CSNK2A2: variants seen among roughly 807,000 people sequenced by gnomAD.
CSNK2A2 encodes the protein casein kinase 2 alpha 2.
A neutral mutation model predicts 54.0 loss-of-function variants in CSNK2A2; 8 were observed. That is an observed-to-expected ratio of 0.15 (90% CI 0.09 to 0.27). CSNK2A2 has a LOEUF of 0.27. Among genes scored for constraint, CSNK2A2 ranks in the 10% least tolerant of loss-of-function variants. CSNK2A2 has a pLI of 1.00. For synonymous variants in CSNK2A2, 141 were observed against 153.9 expected (o/e 0.92, Z 0.62); for missense variants, 242 against 439.4 (o/e 0.55, Z 4.02).
chr16:58,181,090 TAAAC>T (rs1180274515), intron 4 of CSNK2A2, among the ~76,000 whole-genome samples: 2 of 152,166 alleles, frequency 1.3e-5, no homozygotes, highest in African/African-American at 4.8e-5. Context: ...GACCTCCAGT[TAAAC>T]AAGGCAGATC....
intron 4 of CSNK2A2, among the ~76,000 whole-genome samples, chr16:58,180,482 G>A (rs1962007727): frequency 6.6e-6 from 1 of 151,182 alleles, no homozygotes; most frequent in African/African-American, 2.4e-5. Context: ...ATAGACTCAA[G>A]AAGAGACAGA....
At chr16:58,159,885 A>G (rs991048543) in intron 11 of CSNK2A2, 1 of 152,192 alleles carries the variant, frequency 6.6e-6, no homozygotes, top group East Asian at 1.9e-4. Flanking sequence ...AAAAACTGTT[A>G]ATTTATTGAT....
At chr16:58,191,587 T>C (rs1457005990) in intron 2 of CSNK2A2, among the ~76,000 whole-genome samples, 1 of 152,150 alleles carries the variant, frequency 6.6e-6, no homozygotes, top group Non-Finnish European at 1.5e-5. Context: ...GGTCTCGAAC[T>C]CCTGACGTCA....
chr16:58,183,356 G>A (rs1962110717), intron 4 of CSNK2A2, among the ~76,000 whole-genome samples: 1 of 148,632 alleles, frequency 6.7e-6, no homozygotes, highest in Admixed American at 6.7e-5. Context: ...CTGCCTGGGT[G>A]ACAAAAGCGA....
chr16:58,167,447 C>T (rs1193220061), intron 7 of CSNK2A2, 139 bp from the exon 8 acceptor site: 7 of 608,598 alleles, frequency 1.2e-5, no homozygotes, highest in Non-Finnish European at 1.9e-5. Context: ...TTTTTTTTAA[C>T]TTCCTGGCTC....
rs565928448 is a variant in CSNK2A2 at position 58,180,536 on chromosome 16, A to C, written c.369+3724T>G. Among the ~76,000 whole-genome samples, 16 of 152,310 alleles carry C rather than the reference A, an allele frequency of 1.1e-4. No individual in the cohort carries two copies. In the South Asian group the frequency reaches 3.3e-3, roughly 32 times the overall value. On this transcript the variant is annotated intron_variant, in intron 4 of 11. Coordinates refer to ENST00000262506, the MANE Select transcript of CSNK2A2 (RefSeq NM_001896.4). ...AGTTATGTTTTAAAAAGGAAAGTATAGTTCAAAGTCTTCCTCCCATCCTTG... is the reference window on the plus strand; with the variant it reads ...AGTTATGTTTTAAAAAGGAAAGTATCGTTCAAAGTCTTCCTCCCATCCTTG...
At position 58,197,071 on chromosome 16, in the gene CSNK2A2, A is replaced by G; in HGVS notation, c.105-227T>C. 2.0e-6 allele frequency: 1 copy of G among 510,400 alleles called. No individual in the cohort carries two copies. Among genetic ancestry groups the G allele is most frequent in the Non-Finnish European group, 3.6e-6 (1 of 280,454 alleles). 31.6% of individuals were successfully genotyped at this position (510,400 alleles called of 1,614,324 possible). Reference sequence around the variant, plus strand: ...TCCTAACTTGGGAAGATGGGGCAGGAAGGCAACGCTCTGAGCCAATCCAGA... The same window carrying G: ...TCCTAACTTGGGAAGATGGGGCAGGGAGGCAACGCTCTGAGCCAATCCAGA... On this transcript the variant is annotated intron_variant, in intron 1 of 11. Coordinates refer to ENST00000262506, the MANE Select transcript of CSNK2A2 (RefSeq NM_001896.4). The surrounding 1 kb of genome is among the most constrained non-coding windows in gnomAD (Gnocchi z 4.0).
At chr16:58,164,676 G>C (rs1961510088) in intron 10 of CSNK2A2, among the ~76,000 whole-genome samples, 1 of 152,192 alleles carries the variant, frequency 6.6e-6, no homozygotes, top group Non-Finnish European at 1.5e-5. Context: ...GGTAAAAACA[G>C]CTTTCTGTGC....
chr16:58,174,611 T>A, intron 4 of CSNK2A2, 101 bp from the exon 5 acceptor site: 1 of 780,464 alleles, frequency 1.3e-6, no homozygotes, highest in Non-Finnish European at 2.0e-6. Flanking sequence ...CTTAAGTGAC[T>A]AAGGAATCCC....
intron 4 of CSNK2A2, among the ~76,000 whole-genome samples, chr16:58,177,395 A>C (rs1961911081): frequency 6.6e-6 from 1 of 152,234 alleles, no homozygotes; most frequent in Non-Finnish European, 1.5e-5. Flanking sequence ...AAAATAAATG[A>C]CTTAAAAGGT....
At chr16:58,171,251 G>A (rs1383545824) in intron 5 of CSNK2A2, among the ~76,000 whole-genome samples, 1 of 152,090 alleles carries the variant, frequency 6.6e-6, no homozygotes, top group Non-Finnish European at 1.5e-5. Context: ...ATGGCCAGGC[G>A]TGGTGGCTCA....
At chr16:58,169,249 G>C (rs911641249) in intron 5 of CSNK2A2, among the ~76,000 whole-genome samples, 5 of 152,002 alleles carry the variant, frequency 3.3e-5, no homozygotes, top group African/African-American at 9.7e-5. Context: ...TTAAAAGAGG[G>C]GGTGATGAGG....
intron 2 of CSNK2A2, among the ~76,000 whole-genome samples, chr16:58,194,523 G>A (rs1300290540): frequency 6.6e-6 from 1 of 152,156 alleles, no homozygotes; most frequent in African/African-American, 2.4e-5. Context: ...GCTGCACTGT[G>A]AAAACAAACA....
intron 10 of CSNK2A2, 146 bp downstream of exon 10, chr16:58,165,414 C>G: frequency 1.3e-6 from 1 of 753,648 alleles, no homozygotes; most frequent in Non-Finnish European, 1.9e-6. Context: ...AAAGTTGTCT[C>G]AATCATCTAC....
intron 2 of CSNK2A2, among the ~76,000 whole-genome samples, chr16:58,193,353 T>C (rs1202127317): frequency 6.6e-6 from 1 of 152,246 alleles, no homozygotes; most frequent in African/African-American, 2.4e-5. Flanking sequence ...AAAAAATATC[T>C]GCAAGTATGC....
At chr16:58,190,632 C>T (rs1962302291) in intron 2 of CSNK2A2, among the ~76,000 whole-genome samples, 1 of 152,134 alleles carries the variant, frequency 6.6e-6, no homozygotes, top group Non-Finnish European at 1.5e-5. Flanking sequence ...ACTGTTTACT[C>T]TCAGGAGTTA....
chr16:58,173,689 C>T (rs752527040), intron 5 of CSNK2A2, among the ~76,000 whole-genome samples: 10 of 152,192 alleles, frequency 6.6e-5, no homozygotes, highest in South Asian at 6.2e-4. Context: ...AAGGGGATGA[C>T]GACACATGGC....
chr16:58,193,318 A>C (rs1168740815), intron 2 of CSNK2A2, among the ~76,000 whole-genome samples: 1 of 152,216 alleles, frequency 6.6e-6, no homozygotes, highest in Non-Finnish European at 1.5e-5. Flanking sequence ...TCCTTTTAAC[A>C]CTACCTACTG....
intron 4 of CSNK2A2, among the ~76,000 whole-genome samples, chr16:58,183,915 A>G (rs1295236693): frequency 6.6e-6 from 1 of 152,282 alleles, no homozygotes; most frequent in African/African-American, 2.4e-5. Context: ...GTATCGGTCT[A>G]TCCCTTCCTC....
Sources: allele counts gnomAD v4.1 joint callset (sites outside exome capture counted in the v4.1 genomes callset), GRCh38; gene constraint gnomAD v4.1.1; non-coding constraint Gnocchi (gnomAD v3.1); transcripts MANE v1.5; gene names NCBI Gene and HGNC (gene_info 2026-07-23, HGNC 2026-07-21).